COBL: variants seen among roughly 807,000 people sequenced by gnomAD.
The protein encoded by COBL is cordon-bleu WH2 repeat protein.
A neutral mutation model predicts 98.8 loss-of-function variants in COBL; 51 were observed. The observed-to-expected ratio is 0.52, with a 90% CI of 0.41 to 0.65. The LOEUF (loss-of-function observed/expected upper bound fraction) is 0.65, where lower values mean the gene tolerates loss of function less well. Ranked by LOEUF, COBL falls within the 30% of genes least tolerant of loss-of-function variation. The pLI, the probability that COBL is intolerant of heterozygous loss-of-function variation, is 0.00. For synonymous variants in COBL, 634 were observed against 651.7 expected (o/e 0.97, Z 0.41); for missense variants, 1,617 against 1,617.5 (o/e 1.00, Z 0.01).
chr7:51,071,660 A>T (rs1344049081), intron 7 of COBL: 1 of 152,152 alleles, frequency 6.6e-6, no homozygotes, highest in Non-Finnish European at 1.5e-5. Context: ...GAGCAGTATC[A>T]CTTTCCCCTG....
In COBL at chr7:51,193,467, A is replaced by G. The variant is rs1234651995; in HGVS notation, c.368T>C (p.Leu123Ser). ...QQPLSFKPNTLIGTLNVHTVF... is the reference protein window; with the variant it reads ...QQPLSFKPNTSIGTLNVHTVF... Reference sequence around the variant, plus strand: ...AGTATGCACATTCAGGGTCCCAATCAAAGTATTTGGCTTAAAACTCAAAGG... The same window carrying G: ...AGTATGCACATTCAGGGTCCCAATCGAAGTATTTGGCTTAAAACTCAAAGG... Residue 123 changes from leucine (L) to serine (S), a missense_variant, in exon 3 of 13, where the codon TTG (leucine) becomes TCG (serine). Leu to Ser is a moderately radical substitution (Grantham distance 145, BLOSUM62 -2). Coordinates refer to ENST00000265136, the MANE Select transcript of COBL (RefSeq NM_015198.5). The G allele has an allele frequency of 1.9e-6, 3 of 1,614,208 alleles. No individual in the cohort carries two copies. Among genetic ancestry groups the G allele is most frequent in the Non-Finnish European group, 2.5e-6 (3 of 1,180,032 alleles).
chr7:51,247,229 T>C (rs1053708934), intron 1 of COBL, among the ~76,000 whole-genome samples: 1 of 152,158 alleles, frequency 6.6e-6, no homozygotes, highest in African/African-American at 2.4e-5. Context: ...CAATTGGGAT[T>C]GGCCCTAACA....
chr7:51,287,385 T>C (rs1800466396), intron 1 of COBL, among the ~76,000 whole-genome samples: 1 of 152,180 alleles, frequency 6.6e-6, no homozygotes, highest in African/African-American at 2.4e-5. Context: ...CACATAAAGC[T>C]TCGCCATCGT....
At chr7:51,023,229 A>G (rs369427745) in intron 12 of COBL, among the ~76,000 whole-genome samples, 4 of 152,322 alleles carry the variant, frequency 2.6e-5, no homozygotes, top group South Asian at 2.1e-4. Flanking sequence ...CTCATTTTAC[A>G]TAAGTACACA....
At chr7:51,112,159 A>T (rs1583833995) in intron 6 of COBL, among the ~76,000 whole-genome samples, 1 of 152,348 alleles carries the variant, frequency 6.6e-6, no homozygotes, top group South Asian at 2.1e-4. Flanking sequence ...CAAAAGCATA[A>T]GAGAGGAGAA....
At chr7:51,055,370 CCTCT>C (rs1374993288) in intron 7 of COBL, among the ~76,000 whole-genome samples, 4 of 152,212 alleles carry the variant, frequency 2.6e-5, no homozygotes, top group Non-Finnish European at 4.4e-5. Context: ...AGGCCGAATT[CCTCT>C]CTCTAAGGAC....
At chr7:51,256,456 G>C (rs1019593003) in intron 1 of COBL, among the ~76,000 whole-genome samples, 1 of 152,174 alleles carries the variant, frequency 6.6e-6, no homozygotes, top group Admixed American at 6.5e-5. Flanking sequence ...TAACTCACAG[G>C]CTGTGTCCAA....
At chr7:51,134,804 T>C (rs533998757) in intron 6 of COBL, among the ~76,000 whole-genome samples, 43 of 152,138 alleles carry the variant, frequency 2.8e-4, no homozygotes, top group Non-Finnish European at 4.9e-4. Flanking sequence ...TCAGAAGAAA[T>C]AGCTTTGTGT....
intron 1 of COBL, among the ~76,000 whole-genome samples, chr7:51,311,537 AG>A (rs1489766159): frequency 6.6e-6 from 1 of 152,244 alleles, no homozygotes; most frequent in East Asian, 1.9e-4. Flanking sequence ...AGTATACAAG[AG>A]GAAAAAAGTT....
chr7:51,181,748 C>T (rs934434573), intron 5 of COBL, among the ~76,000 whole-genome samples: 1 of 152,148 alleles, frequency 6.6e-6, no homozygotes, highest in South Asian at 2.1e-4. Flanking sequence ...TCACTGACTG[C>T]GCCTTCACTG....
chr7:51,186,415 G>A lies in COBL; in HGVS notation c.686-2216C>T, dbSNP rs140322566. ...ACAGATGACATCATAGTATCCTACT[G>A]ATAATCGAGAAGTAGAGCATTTTCC... On this transcript the variant is annotated intron_variant, in intron 4 of 12. Transcript: ENST00000265136. 2.8e-4 allele frequency among the ~76,000 whole-genome samples: 42 copies of A among 152,326 alleles called. No homozygotes were observed. In the East Asian group the frequency reaches 7.5e-3, roughly 27 times the overall value.
At chr7:51,090,998 A>G (rs1282016409) in intron 6 of COBL, among the ~76,000 whole-genome samples, 1 of 152,252 alleles carries the variant, frequency 6.6e-6, no homozygotes, top group Non-Finnish European at 1.5e-5. Context: ...ATGGATATCC[A>G]GAAAAGGGTT....
chr7:51,094,042 C>T (rs1322402667), intron 6 of COBL, among the ~76,000 whole-genome samples: 3 of 151,138 alleles, frequency 2.0e-5, no homozygotes, highest in Non-Finnish European at 4.4e-5. Flanking sequence ...TAACAATACA[C>T]AGCCTTTAAA....
intron 6 of COBL, among the ~76,000 whole-genome samples, chr7:51,103,084 T>A (rs1205557148): frequency 6.6e-6 from 1 of 152,198 alleles, no homozygotes; most frequent in Non-Finnish European, 1.5e-5. Context: ...AATAACATTC[T>A]TAAAAACTGT....
At chr7:51,181,815 A>G (rs1044685927) in intron 5 of COBL, among the ~76,000 whole-genome samples, 7 of 151,954 alleles carry the variant, frequency 4.6e-5, no homozygotes, top group African/African-American at 1.7e-4. Flanking sequence ...ACGGGACTGG[A>G]TCACTGACTG....
At chr7:51,068,219 G>A (rs1792151674) in intron 7 of COBL, among the ~76,000 whole-genome samples, 1 of 152,208 alleles carries the variant, frequency 6.6e-6, no homozygotes, top group African/African-American at 2.4e-5. Flanking sequence ...GTTTCCTCTT[G>A]AAAACTTGGA....
At chr7:51,017,859 G>C (rs1262044117) in intron 12 of COBL, among the ~76,000 whole-genome samples, 1 of 152,202 alleles carries the variant, frequency 6.6e-6, no homozygotes, top group Non-Finnish European at 1.5e-5. Context: ...CCAGACAGAG[G>C]ACACTGCCTC....
chr7:51,240,396 A>G (rs1340030953), intron 1 of COBL, among the ~76,000 whole-genome samples: 1 of 152,248 alleles, frequency 6.6e-6, no homozygotes, highest in Non-Finnish European at 1.5e-5. Flanking sequence ...AAGTGAAAAT[A>G]TCCATCAACA....
At chr7:51,142,203 A>G (rs533559586) in intron 5 of COBL, among the ~76,000 whole-genome samples, 1 of 152,152 alleles carries the variant, frequency 6.6e-6, no homozygotes, top group Admixed American at 6.5e-5. Flanking sequence ...CAAGTACCCC[A>G]TGGAATGCCT....
Sources: allele counts gnomAD v4.1 joint callset (sites outside exome capture counted in the v4.1 genomes callset), GRCh38; gene constraint gnomAD v4.1.1; transcripts MANE v1.5; gene names NCBI Gene and HGNC (gene_info 2026-07-23, HGNC 2026-07-21).